MSH3: variants seen among roughly 807,000 people sequenced by gnomAD.
MSH3 encodes the protein DNA mismatch repair protein Msh3.
In MSH3, 106 loss-of-function variants were observed where a neutral mutation model predicts 123.3. The observed-to-expected ratio is 0.86, with a 90% CI of 0.73 to 1.01. The LOEUF (loss-of-function observed/expected upper bound fraction) is 1.01. MSH3 is among the 50% of genes least tolerant of loss of function. MSH3 has a pLI of 0.00. For missense variants in MSH3, 1,459 were observed against 1,347.6 expected, an observed-to-expected ratio of 1.08 and a Z score of -1.29; for synonymous variants, 515 against 481.4, an observed-to-expected ratio of 1.07 and a Z score of -0.91.
chr5:80,758,573 A>C (rs1743971074), intron 12 of MSH3, among the ~76,000 whole-genome samples: 1 of 152,220 alleles, frequency 6.6e-6, no homozygotes, highest in Admixed American at 6.5e-5. Flanking sequence ...TCCTTAAAGA[A>C]GGTTGGGTTA....
intron 8 of MSH3, among the ~76,000 whole-genome samples, chr5:80,723,776 TTA>T (rs1751137458): frequency 6.6e-6 from 1 of 151,956 alleles, no homozygotes; most frequent in African/African-American, 2.4e-5. Context: ...ATTTTTTTTT[TTA>T]ATTTGAGACG....
At chr5:80,831,710 C>T (rs1745420704) in intron 20 of MSH3, among the ~76,000 whole-genome samples, 1 of 149,494 alleles carries the variant, frequency 6.7e-6, no homozygotes, top group South Asian at 2.1e-4. Context: ...AAAAAACAAG[C>T]TTTGACTTAG....
chr5:80,800,359 C>G (rs1011792559), intron 19 of MSH3, among the ~76,000 whole-genome samples: 1 of 152,204 alleles, frequency 6.6e-6, no homozygotes, highest in African/African-American at 2.4e-5. Flanking sequence ...GTCTGGTATT[C>G]CCAGTAGGCT....
chr5:80,844,864 T>A (rs970021923), intron 20 of MSH3, among the ~76,000 whole-genome samples: 77 of 152,210 alleles, frequency 5.1e-4, no homozygotes, highest in African/African-American at 1.8e-3. Context: ...AATTTGCCAG[T>A]CTGTGTCTTT....
At chr5:80,763,229 C>T (rs1163354317) in intron 13 of MSH3, among the ~76,000 whole-genome samples, 1 of 152,162 alleles carries the variant, frequency 6.6e-6, no homozygotes, top group Non-Finnish European at 1.5e-5. Flanking sequence ...CAGAGTTTTA[C>T]TAGAATGATA....
chr5:80,691,751 A>T (rs920740035), intron 8 of MSH3, among the ~76,000 whole-genome samples: 1 of 143,666 alleles, frequency 7.0e-6, no homozygotes, highest in Non-Finnish European at 1.5e-5. Context: ...ATGTGTGTGT[A>T]TATATATATT....
intron 20 of MSH3, among the ~76,000 whole-genome samples, chr5:80,835,590 T>A (rs551450433): frequency 6.6e-6 from 1 of 152,184 alleles, no homozygotes; most frequent in East Asian, 1.9e-4. Context: ...AAAATTGGAG[T>A]TATTTTTTAA....
intron 8 of MSH3, among the ~76,000 whole-genome samples, chr5:80,689,181 G>A (rs972173232): frequency 6.6e-5 from 10 of 152,160 alleles, no homozygotes; most frequent in Admixed American, 2.0e-4. Flanking sequence ...GTGCAGAAGA[G>A]CTGTTCAGTG....
chr5:80,860,807 A>G (rs1168662453), intron 21 of MSH3, among the ~76,000 whole-genome samples: 1 of 151,670 alleles, frequency 6.6e-6, no homozygotes, highest in Non-Finnish European at 1.5e-5. Flanking sequence ...GCTGCATGTT[A>G]TATCTTTTGT....
intron 20 of MSH3, among the ~76,000 whole-genome samples, chr5:80,827,624 G>A (rs562328096): frequency 6.6e-6 from 1 of 152,256 alleles, no homozygotes; most frequent in Non-Finnish European, 1.5e-5. Context: ...GATTTTATTG[G>A]CATTAAAAAT....
intron 2 of MSH3, among the ~76,000 whole-genome samples, chr5:80,661,992 A>T (rs1166943739): frequency 6.6e-6 from 1 of 152,246 alleles, no homozygotes; most frequent in Non-Finnish European, 1.5e-5. Context: ...TTTCCACAAT[A>T]CAGAGACAGT....
intron 8 of MSH3, among the ~76,000 whole-genome samples, chr5:80,697,423 A>C (rs1454082772): frequency 6.6e-6 from 1 of 152,252 alleles, no homozygotes; most frequent in Non-Finnish European, 1.5e-5. Context: ...GTATATTAAA[A>C]ACATATAATC....
chr5:80,711,118 C>G (rs1341841850), intron 8 of MSH3, among the ~76,000 whole-genome samples: 1 of 152,196 alleles, frequency 6.6e-6, no homozygotes, highest in African/African-American at 2.4e-5. Flanking sequence ...TAGAACAACA[C>G]GAGTTTACCT....
At chr5:80,665,640 G>A (rs998574337) in intron 3 of MSH3, among the ~76,000 whole-genome samples, 4 of 152,158 alleles carry the variant, frequency 2.6e-5, no homozygotes, top group Admixed American at 6.5e-5. Context: ...TTGACTTGGA[G>A]GGATTCTTTA....
intron 22 of MSH3, among the ~76,000 whole-genome samples, chr5:80,870,178 A>G (rs2112125176): frequency 1.3e-5 from 2 of 151,476 alleles, no homozygotes; most frequent in South Asian, 4.2e-4. Context: ...CCGTCTCAAA[A>G]AAAAAAAAAA....
At chr5:80,742,977 T>C (rs565093166) in intron 11 of MSH3, among the ~76,000 whole-genome samples, 3 of 152,102 alleles carry the variant, frequency 2.0e-5, no homozygotes. Flanking sequence ...ATTCCTTCCT[T>C]TATTGGACCT....
At chr5:80,717,528 G>A (rs1356147531) in intron 8 of MSH3, among the ~76,000 whole-genome samples, 1 of 152,074 alleles carries the variant, frequency 6.6e-6, no homozygotes, top group African/African-American at 2.4e-5. Context: ...TGGGTCTATA[G>A]GTGTGAGCCA....
At chr5:80,739,434 A>T (rs544466534) in intron 10 of MSH3, among the ~76,000 whole-genome samples, 3 of 152,238 alleles carry the variant, frequency 2.0e-5, no homozygotes, top group Non-Finnish European at 4.4e-5. Context: ...GAAAAATATA[A>T]ACCCAACCTG....
rs896789980 is a variant in MSH3, at chr5:80,875,869, G to A, written c.*7G>A. On this transcript the variant is annotated 3_prime_UTR_variant, in exon 24 of 24. Coordinates refer to ENST00000265081, the MANE Select transcript of MSH3 (RefSeq NM_002439.5). ...GACTTCTCTTCTTCATTAAAATGAA[G>A]ACTACATTTGTGAACAAAAAATGGA... 2.6e-6 allele frequency: 4 copies of A among 1,535,312 alleles called. No homozygotes were observed. Among genetic ancestry groups the A allele is most frequent in the Non-Finnish European group, 3.6e-6 (4 of 1,108,670 alleles).
Sources: gnomAD v4.1 joint callset for allele counts (sites outside exome capture counted in the v4.1 genomes callset) on GRCh38, gnomAD v4.1.1 for gene constraint, MANE v1.5 for transcripts, NCBI Gene and HGNC (gene_info 2026-07-23, HGNC 2026-07-21) for gene names.